OXR1: variants seen among roughly 807,000 people sequenced by gnomAD.
OXR1 encodes the protein oxidation resistance 1, also known as oxidation resistance protein 1.
A neutral mutation model predicts 104.6 loss-of-function variants in OXR1; 41 were observed. The observed-to-expected ratio is 0.39, with a 90% CI of 0.31 to 0.51. The LOEUF (loss-of-function observed/expected upper bound fraction) is 0.51, where lower values mean the gene tolerates loss of function less well. Ranked by LOEUF, OXR1 falls within the 20% of genes least tolerant of loss-of-function variation. The pLI, the probability that OXR1 is intolerant of heterozygous loss-of-function variation, is 0.77. For synonymous variants in OXR1, 348 were observed against 348.4 expected (o/e 1.00, Z 0.01); for missense variants, 955 against 1,031.9 (o/e 0.93, Z 1.02).
intron 2 of OXR1, among the ~76,000 whole-genome samples, chr8:106,432,238 C>T (rs1819390260): frequency 6.6e-6 from 1 of 152,180 alleles, no homozygotes; most frequent in Non-Finnish European, 1.5e-5. Context: ...ATCTTTTCTT[C>T]ACCCAGCAGC....
chr8:106,490,039 T>C (rs1309090843), intron 2 of OXR1, among the ~76,000 whole-genome samples: 1 of 152,186 alleles, frequency 6.6e-6, no homozygotes, highest in Non-Finnish European at 1.5e-5. Flanking sequence ...CCATTTTCAT[T>C]AAATACCACA....
chr8:106,558,036 C>T (rs1404197786), intron 3 of OXR1, among the ~76,000 whole-genome samples: 1 of 152,194 alleles, frequency 6.6e-6, no homozygotes, highest in East Asian at 1.9e-4. Flanking sequence ...TGAACTTCCG[C>T]TTTACCACTG....
intron 2 of OXR1, among the ~76,000 whole-genome samples, chr8:106,500,143 T>C (rs1246640242): frequency 6.6e-6 from 1 of 152,094 alleles, no homozygotes; most frequent in Non-Finnish European, 1.5e-5. Flanking sequence ...AATAAGTTAG[T>C]ATAGTCATCA....
chr8:106,557,733 C>T (rs1816389062), intron 3 of OXR1, among the ~76,000 whole-genome samples: 1 of 152,158 alleles, frequency 6.6e-6, no homozygotes, highest in African/African-American at 2.4e-5. Flanking sequence ...GCTGCAAGAA[C>T]AAGCCCTTAC....
intron 3 of OXR1, among the ~76,000 whole-genome samples, chr8:106,595,142 C>G (rs750596279): frequency 7.2e-5 from 11 of 152,206 alleles, no homozygotes; most frequent in Non-Finnish European, 1.2e-4. Context: ...AAATTATAAC[C>G]AACTTCTGTT....
intron 11 of OXR1, among the ~76,000 whole-genome samples, chr8:106,731,431 T>C (rs1328376549): frequency 6.6e-6 from 1 of 152,168 alleles, no homozygotes; most frequent in Non-Finnish European, 1.5e-5. Context: ...AAATTCAACT[T>C]AATAATTTTC....
intron 3 of OXR1, among the ~76,000 whole-genome samples, chr8:106,548,679 A>T (rs1266950196): frequency 1.3e-5 from 2 of 152,188 alleles, no homozygotes; most frequent in Non-Finnish European, 2.9e-5. Flanking sequence ...AGTATACTGT[A>T]TGTTTAGGAA....
chr8:106,675,040 G>T (rs757241175), intron 3 of OXR1, among the ~76,000 whole-genome samples: 3 of 152,136 alleles, frequency 2.0e-5, no homozygotes, highest in Non-Finnish European at 4.4e-5. Context: ...AATGAAAAGA[G>T]AATTGGTACA....
intron 2 of OXR1, among the ~76,000 whole-genome samples, chr8:106,457,398 T>C (rs141544938): frequency 6.6e-6 from 1 of 152,162 alleles, no homozygotes; most frequent in African/African-American, 2.4e-5. Context: ...CTTTGAGAAA[T>C]AAATGTATTT....
At chr8:106,718,794 A>T (rs1170617203) in intron 11 of OXR1, among the ~76,000 whole-genome samples, 4 of 150,966 alleles carry the variant, frequency 2.6e-5, no homozygotes, top group Non-Finnish European at 5.9e-5. Context: ...AGCCAAGATC[A>T]TGCCACTGCA....
At chr8:106,394,983 T>C (rs1337686576) in intron 2 of OXR1, among the ~76,000 whole-genome samples, 1 of 152,064 alleles carries the variant, frequency 6.6e-6, no homozygotes, top group Non-Finnish European at 1.5e-5. Flanking sequence ...CAAATGTATG[T>C]TATAACCTCA....
At chr8:106,276,941 G>A (rs767268653) in intron 1 of OXR1, among the ~76,000 whole-genome samples, 10 of 152,082 alleles carry the variant, frequency 6.6e-5, no homozygotes, top group Non-Finnish European at 1.3e-4. Flanking sequence ...CAACTAGGAT[G>A]TATTTTTTGA....
Position 106,630,900 on chromosome 8 carries a change from G to A in OXR1, c.221-48310G>A, listed in dbSNP as rs111564559. Among the ~76,000 whole-genome samples, 766 of 152,304 alleles carry A rather than the reference G, an allele frequency of 5.0e-3. 2 individuals carry two copies. Among genetic ancestry groups the A allele is most frequent in the Non-Finnish European group, 7.7e-3 (525 of 68,022 alleles). On this transcript the variant is annotated intron_variant, in intron 3 of 16. Transcript: ENST00000517566. ...CCAAAACCCTGCTTCATGCTGTGTT[G>A]CTGCCTGTGCTAGCTGAGGGCAGAA...
chr8:106,447,714 A>G (rs1820070979), intron 2 of OXR1, among the ~76,000 whole-genome samples: 2 of 152,242 alleles, frequency 1.3e-5, no homozygotes, highest in Admixed American at 1.3e-4. Context: ...ATACAAAGAA[A>G]AATACACTTC....
At chr8:106,484,688 G>T (rs992939447) in intron 2 of OXR1, among the ~76,000 whole-genome samples, 17 of 151,990 alleles carry the variant, frequency 1.1e-4, no homozygotes, top group African/African-American at 4.1e-4. Flanking sequence ...ACAAGGATGT[G>T]TGACAACAGG....
At chr8:106,353,365 A>AAAT (rs71307055) in intron 1 of OXR1, among the ~76,000 whole-genome samples, 54,991 of 147,296 alleles carry the variant, frequency 0.37, 10,810 homozygotes, top group South Asian at 0.5. Flanking sequence ...CTCTGTCTCA[A>AAAT]AATAATAATA....
chr8:106,271,551 T>C (rs1308799308), intron 1 of OXR1, among the ~76,000 whole-genome samples: 1 of 151,766 alleles, frequency 6.6e-6, no homozygotes, highest in African/African-American at 2.4e-5. Context: ...TGTGTGTGCG[T>C]GTGTGCGCGC....
intron 3 of OXR1, among the ~76,000 whole-genome samples, chr8:106,575,683 A>G (rs1412121955): frequency 1.5e-5 from 2 of 132,714 alleles, no homozygotes; most frequent in Admixed American, 1.7e-4. Flanking sequence ...CCATCCAAGA[A>G]CCTTGAAGAA....
intron 3 of OXR1, among the ~76,000 whole-genome samples, chr8:106,646,069 T>G (rs1824052703): frequency 6.6e-6 from 1 of 152,062 alleles, no homozygotes; most frequent in South Asian, 2.1e-4. Flanking sequence ...TTTTCCAATA[T>G]TATTTTGCCT....
Sources: allele counts gnomAD v4.1 joint callset (sites outside exome capture counted in the v4.1 genomes callset), GRCh38; gene constraint gnomAD v4.1.1; transcripts MANE v1.5; gene names NCBI Gene and HGNC (gene_info 2026-07-23, HGNC 2026-07-21).